The following CBX7 variants were observed in gnomAD, a reference collection of about 807,000 sequenced individuals.
CBX7 encodes chromobox protein homolog 7.
A neutral mutation model predicts 31.4 loss-of-function variants in CBX7; 14 were observed. The observed-to-expected ratio is 0.45, with a 90% CI of 0.29 to 0.70. CBX7 has a LOEUF of 0.70. CBX7 is among the 30% of genes least tolerant of loss of function. The pLI is 0.11. For synonymous variants in CBX7, 159 were observed against 152.6 expected (o/e 1.04, Z -0.31); for missense variants, 269 against 351.9 (o/e 0.76, Z 1.89).
At chr22:39,139,922 C>T (rs1485790586) in intron 3 of CBX7, among the ~76,000 whole-genome samples, 1 of 151,622 alleles carries the variant, frequency 6.6e-6, no homozygotes, top group Admixed American at 6.6e-5. Context: ...AGGGTGAGAC[C>T]CTGTCTCAAA....
At chr22:39,149,391 C>T (rs139400) in intron 2 of CBX7, 106,672 of 245,004 alleles carry the variant, frequency 0.44, 24,331 homozygotes, top group African/African-American at 0.54. Flanking sequence ...CCTGGCCACA[C>T]AGCACTGAGG....
intron 2 of CBX7, chr22:39,148,284 G>A (rs929833672): frequency 3.9e-5 from 6 of 152,272 alleles, no homozygotes; most frequent in African/African-American, 1.4e-4. Flanking sequence ...GAGCTGCAGT[G>A]GGCAGATGGA....
At chr22:39,146,014 A>G (rs1930649379) in intron 2 of CBX7, among the ~76,000 whole-genome samples, 1 of 152,140 alleles carries the variant, frequency 6.6e-6, no homozygotes, top group Non-Finnish European at 1.5e-5. Context: ...GGAACCCCGC[A>G]GAGCCAGGCC....
At chr22:39,138,760 G>A (rs1282554611) in intron 3 of CBX7, 58 bp from the exon 4 acceptor site, 5 of 1,528,536 alleles carry the variant, frequency 3.3e-6, no homozygotes, top group Non-Finnish European at 4.5e-6. Context: ...CTAAGGGAAG[G>A]GAAGGCATCC....
chr22:39,140,108 C>T (rs73884825), intron 3 of CBX7, among the ~76,000 whole-genome samples: 3,144 of 152,274 alleles, frequency 0.021, 111 homozygotes, highest in African/African-American at 0.073. Flanking sequence ...ACAGAGGTCA[C>T]GTGGACAACA....
chr22:39,135,070 G>C (rs1294866313), intron 4 of CBX7: 2 of 346,994 alleles, frequency 5.8e-6, no homozygotes, highest in Non-Finnish European at 1.1e-5. Flanking sequence ...AACAAATCTG[G>C]ATGCATTAAG....
rs1180735275 is a variant in CBX7, at chr22:39,132,277, TC to T, written c.*1613del. On this transcript the variant is annotated 3_prime_UTR_variant, in exon 6 of 6. Transcript: ENST00000216133. ...TCACCCTCTCCTTGCCTCAGTAGAC[TC>T]TGTGACTTCCTGAGGACACAGAGCA... 9 of 152,212 alleles carry T rather than the reference TC, an allele frequency of 5.9e-5. No individual in the cohort carries two copies. The highest frequency in any genetic ancestry group is 3.9e-4 in the Admixed American group (6 of 15,280). The allele number at this position is 152,212 out of a possible 1,614,324, so 9.4% of individuals were successfully genotyped here. A position where few individuals can be genotyped will look rare whatever the true frequency, so the allele number is the denominator to read the frequency against.
intron 2 of CBX7, among the ~76,000 whole-genome samples, chr22:39,146,062 G>A (rs1365766685): frequency 3.3e-5 from 5 of 152,220 alleles, no homozygotes; most frequent in African/African-American, 1.2e-4. Flanking sequence ...ATTTAAAGCT[G>A]CTGCACAGAA....
Position 39,131,026 on chromosome 22 carries a change from T to A in CBX7, c.*2865A>T, listed in dbSNP as rs1407963310. ...TCTGAACAAAGCTCGAAGCTCATTC[T>A]GTGCAAAGGAAGCGCTCTTGTGCTG... On this transcript the variant is annotated 3_prime_UTR_variant, in exon 6 of 6. Transcript: ENST00000216133. 6.6e-6 allele frequency: 1 copy of A among 152,640 alleles called. No homozygotes were observed. The highest frequency in any genetic ancestry group is 1.5e-5 in the Non-Finnish European group (1 of 68,036). The allele number at this position is 152,640 out of a possible 1,614,324, so 9.5% of individuals were successfully genotyped here.
At chr22:39,151,994 A>G (rs1324539321) in intron 1 of CBX7, among the ~76,000 whole-genome samples, 1 of 152,168 alleles carries the variant, frequency 6.6e-6, no homozygotes, top group Non-Finnish European at 1.5e-5. Flanking sequence ...TTTGGTGCCA[A>G]GCGTCCAGAG....
intron 1 of CBX7, among the ~76,000 whole-genome samples, chr22:39,151,107 C>T (rs1930834755): frequency 6.6e-6 from 1 of 152,220 alleles, no homozygotes; most frequent in South Asian, 2.1e-4. Flanking sequence ...TGATCTCGCC[C>T]TCTTGTGCTA....
Position 39,136,775 on chromosome 22 carries a change from T to A in CBX7, c.246+1861A>T, listed in dbSNP as rs1027609994. 3 of 152,286 alleles carry A rather than the reference T, an allele frequency of 2.0e-5. No homozygotes were observed. In the South Asian group the frequency reaches 6.2e-4, roughly 32 times the overall value. The allele number at this position is 152,286 out of a possible 1,614,324, so 9.4% of individuals were successfully genotyped here. On this transcript the variant is annotated intron_variant, in intron 4 of 5. Coordinates refer to ENST00000216133, the MANE Select transcript of CBX7 (RefSeq NM_175709.5). The stretch of plus-strand genomic sequence containing the variant: ...AGAGATAACGAACACACCTGCCCTG[T>A]AGGCTTAGTATGTGGATGGAGTATA...
intron 4 of CBX7, among the ~76,000 whole-genome samples, chr22:39,137,851 G>A (rs967577293): frequency 6.6e-6 from 1 of 152,104 alleles, no homozygotes; most frequent in African/African-American, 2.4e-5. Context: ...CACTTCTAGG[G>A]GTCTGACATT....
Position 39,151,121 on chromosome 22 carries a change from T to G in CBX7, c.69+1255A>C, listed in dbSNP as rs186922180. Among the ~76,000 whole-genome samples the G allele has an allele frequency of 4.7e-4, 72 of 152,330 alleles. 1 individual carries two copies. The highest frequency in any genetic ancestry group is 1.7e-3 in the African/African-American group (69 of 41,578). ...ATGATCTCGCCCTCTTGTGCTACCC[T>G]GCGGGCTCCATCGTAGAGGGAGTTA... On this transcript the variant is annotated intron_variant, in intron 1 of 5. Transcript: ENST00000216133.
At chr22:39,141,238 T>A in intron 3 of CBX7, 133 bp downstream of exon 3, 1 of 659,720 alleles carries the variant, frequency 1.5e-6, no homozygotes, top group Non-Finnish European at 2.6e-6. Flanking sequence ...TTCACCCAGC[T>A]GCAGGCTGGG....
At position 39,141,396 on chromosome 22, in the gene CBX7, G is replaced by A. The variant is rs989034152; in HGVS notation, c.154C>T (p.Arg52Cys). 9.9e-6 allele frequency: 16 copies of A among 1,612,256 alleles called. No individual in the cohort carries two copies. The highest frequency in any genetic ancestry group is 1.7e-5 in the Admixed American group (1 of 59,892). ...TTCTCCTCGTAGGCCATGACGAGGC[G>A]GGGGTCCAAGATGTGCTCTTCTGGC... ...WEPEEHILDP[R>C]LVMAYEEKEE... The change falls in exon 3 of 6, where the codon CGC becomes TGC. Residue 52 changes from arginine (R) to cysteine (C), a missense_variant. Physicochemically the swap from Arg to Cys is radical, Grantham distance 180. This residue lies in a region of CBX7 where 47 missense variants were observed against 111.5 expected (regional missense o/e 0.42). Transcript: ENST00000216133.
At chr22:39,146,870 T>C (rs1331206578) in intron 2 of CBX7, among the ~76,000 whole-genome samples, 1 of 152,114 alleles carries the variant, frequency 6.6e-6, no homozygotes, top group Non-Finnish European at 1.5e-5. Flanking sequence ...AGCAGGGCCC[T>C]GGACAGGCTG....
At chr22:39,143,341 G>A (rs190532977) in intron 2 of CBX7, among the ~76,000 whole-genome samples, 239 of 151,568 alleles carry the variant, frequency 1.6e-3, no homozygotes, top group Non-Finnish European at 2.7e-3. Flanking sequence ...TTAAATAGAA[G>A]AAAGCTTATA....
intron 3 of CBX7, among the ~76,000 whole-genome samples, chr22:39,139,521 T>G (rs942211052): frequency 2.0e-5 from 3 of 151,416 alleles, no homozygotes; most frequent in Non-Finnish European, 2.9e-5. Context: ...GCTAACACAG[T>G]GAAACCCTGT....
Sources: allele counts gnomAD v4.1 joint callset (sites outside exome capture counted in the v4.1 genomes callset), GRCh38; gene constraint gnomAD v4.1.1; regional missense constraint gnomAD v4.1.1; transcripts MANE v1.5; gene names NCBI Gene and HGNC (gene_info 2026-07-23, HGNC 2026-07-21).